Variants in BTRC observed in about 807,000 individuals in gnomAD.
The protein encoded by BTRC is F-box/WD repeat-containing protein 1A.
A neutral mutation model predicts 85.5 loss-of-function variants in BTRC; 42 were observed. The ratio of observed to expected loss-of-function variants is 0.49; its 90% CI spans 0.38 to 0.64. The LOEUF (loss-of-function observed/expected upper bound fraction) is 0.64, where lower values mean the gene tolerates loss of function less well. Among genes scored for constraint, BTRC ranks in the 30% least tolerant of loss-of-function variants. BTRC has a pLI of 0.00. For missense variants in BTRC, 594 were observed against 743.5 expected (o/e 0.80, Z 2.34); for synonymous variants, 255 against 263.3 (o/e 0.97, Z 0.30).
chr10:101,522,390 A>AAAT (rs2062126977), intron 5 of BTRC, among the ~76,000 whole-genome samples: 5 of 108,878 alleles, frequency 4.6e-5, no homozygotes, highest in Non-Finnish European at 7.5e-5. Flanking sequence ...AAAAAAAAAA[A>AAAT]CTCTAGAAAT....
At chr10:101,519,227 C>CGTGT (rs1564821297) in intron 4 of BTRC, among the ~76,000 whole-genome samples, 6 of 151,994 alleles carry the variant, frequency 3.9e-5, no homozygotes, top group Non-Finnish European at 8.8e-5. Context: ...TACAGGCACC[C>CGTGT]GCCACCACAC....
chr10:101,416,955 G>A lies in BTRC; in HGVS notation c.49-13390G>A, dbSNP rs149386813. Among the ~76,000 whole-genome samples the A allele has an allele frequency of 2.2e-3, 327 of 151,840 alleles. 2 individuals are homozygous for A. The highest frequency in any genetic ancestry group is 7.7e-3 in the African/African-American group (318 of 41,430). ...GTATTTTTATTAATTTATATTCCAT[G>A]TTTTATTTTTAAACATTCTCAAACT... On this transcript the variant is annotated intron_variant, in intron 1 of 14. Coordinates refer to ENST00000370187, the MANE Select transcript of BTRC (RefSeq NM_033637.4).
intron 4 of BTRC, among the ~76,000 whole-genome samples, chr10:101,482,452 G>A (rs1409505227): frequency 2.2e-5 from 3 of 138,480 alleles, no homozygotes; most frequent in Admixed American, 7.8e-5. Context: ...TTGGAGTGCA[G>A]TGGCATGATC....
intron 1 of BTRC, among the ~76,000 whole-genome samples, chr10:101,362,426 G>A (rs867640064): frequency 3.3e-5 from 5 of 150,322 alleles, no homozygotes; most frequent in East Asian, 2.0e-4. Flanking sequence ...ATGGAGTTTC[G>A]CTCTTGTTGC....
chr10:101,469,957 C>T (rs544003951), intron 3 of BTRC, among the ~76,000 whole-genome samples: 13 of 152,204 alleles, frequency 8.5e-5, no homozygotes, highest in African/African-American at 7.2e-5. Context: ...ATAAATATAT[C>T]GCAGTTTGTT....
At chr10:101,419,130 C>T (rs1208823913) in intron 1 of BTRC, among the ~76,000 whole-genome samples, 1 of 151,986 alleles carries the variant, frequency 6.6e-6, no homozygotes, top group African/African-American at 2.4e-5. Context: ...CCTGCCTCAG[C>T]CTCTGGAGTA....
chr10:101,462,951 T>G (rs1406641223), intron 3 of BTRC, among the ~76,000 whole-genome samples: 1 of 151,770 alleles, frequency 6.6e-6, no homozygotes, highest in African/African-American at 2.4e-5. Flanking sequence ...CACTGCAACC[T>G]CTGCCTTCTG....
At chr10:101,438,130 C>T (rs914915365) in intron 2 of BTRC, among the ~76,000 whole-genome samples, 2 of 151,980 alleles carry the variant, frequency 1.3e-5, no homozygotes, top group Non-Finnish European at 2.9e-5. Flanking sequence ...TGGTCATATA[C>T]AGAAGGGAAA....
rs796727785 is a variant in BTRC, at chr10:101,555,912, A to C, written c.*2789A>C. On this transcript the variant is annotated 3_prime_UTR_variant, in exon 15 of 15. Transcript: ENST00000370187. ...ACAGACACGTGACCTTTTGGTGCACACTGGAGCTACTTGGACAAGACCAGC... is the reference window on the plus strand; with the variant it reads ...ACAGACACGTGACCTTTTGGTGCACCCTGGAGCTACTTGGACAAGACCAGC... The C allele has an allele frequency of 2.0e-5, 3 of 152,322 alleles. No homozygotes were observed. Among genetic ancestry groups the C allele is most frequent in the African/African-American group, 7.2e-5 (3 of 41,570 alleles). 9.4% of individuals were successfully genotyped at this position (152,322 alleles called of 1,614,324 possible).
intron 4 of BTRC, among the ~76,000 whole-genome samples, chr10:101,520,884 G>A (rs529737129): frequency 4.6e-5 from 7 of 152,244 alleles, no homozygotes; most frequent in South Asian, 2.1e-4. Flanking sequence ...TTGATTCTCC[G>A]CCTGGGAGGT....
At chr10:101,355,193 G>A (rs1941999221) in intron 1 of BTRC, among the ~76,000 whole-genome samples, 2 of 152,168 alleles carry the variant, frequency 1.3e-5, no homozygotes. Flanking sequence ...GTGGAGATGA[G>A]AGTTGCAAAG....
intron 1 of BTRC, among the ~76,000 whole-genome samples, chr10:101,360,852 G>A (rs1019593725): frequency 2.0e-5 from 3 of 152,080 alleles, no homozygotes; most frequent in East Asian, 1.9e-4. Context: ...TTATTTGGGC[G>A]CAGCTCTGCC....
At chr10:101,522,370 AAAAAAAC>A (rs1564823678) in intron 5 of BTRC, among the ~76,000 whole-genome samples, 2,396 of 74,080 alleles carry the variant, frequency 0.032, 307 homozygotes, top group Non-Finnish European at 0.052. Context: ...AAAAAAACAA[AAAAAAAC>A]AAAAAAAAAA....
At chr10:101,550,365 A>G (rs772983756) in intron 13 of BTRC, among the ~76,000 whole-genome samples, 19 of 151,312 alleles carry the variant, frequency 1.3e-4, no homozygotes, top group Non-Finnish European at 2.5e-4. Context: ...GCTCACTGCA[A>G]CCTCCACCTC....
chr10:101,385,828 TG>T (rs936202690), intron 1 of BTRC, among the ~76,000 whole-genome samples: 1 of 126,392 alleles, frequency 7.9e-6, no homozygotes, highest in African/African-American at 2.6e-5. Context: ...TGATCTAGCT[TG>T]TTTTTTTTTT....
chr10:101,536,355 C>A (rs1478738230), intron 11 of BTRC, among the ~76,000 whole-genome samples, 188 bp from the exon 12 acceptor site: 2 of 152,164 alleles, frequency 1.3e-5, no homozygotes, highest in Non-Finnish European at 2.9e-5. Context: ...GAACTTAAAC[C>A]TACATATTTC....
At chr10:101,470,826 C>T (rs1027349830) in intron 3 of BTRC, among the ~76,000 whole-genome samples, 16 of 152,114 alleles carry the variant, frequency 1.1e-4, no homozygotes, top group African/African-American at 3.6e-4. Context: ...TTATTTTTGC[C>T]GTAATTTCAT....
chr10:101,386,336 C>T (rs1280444226), intron 1 of BTRC, among the ~76,000 whole-genome samples: 1 of 152,192 alleles, frequency 6.6e-6, no homozygotes, highest in Non-Finnish European at 1.5e-5. Flanking sequence ...TCAAGGTCAG[C>T]CTTAAACATT....
chr10:101,508,398 A>G (rs1349597054), intron 4 of BTRC, among the ~76,000 whole-genome samples: 3 of 152,156 alleles, frequency 2.0e-5, no homozygotes, highest in African/African-American at 7.2e-5. Context: ...CACTAATCAG[A>G]TTTGACATGT....
Sources: gnomAD v4.1 joint callset for allele counts (sites outside exome capture counted in the v4.1 genomes callset) on GRCh38, gnomAD v4.1.1 for gene constraint, MANE v1.5 for transcripts, NCBI Gene and HGNC (gene_info 2026-07-23, HGNC 2026-07-21) for gene names.